The following RALGPS1 variants were observed in gnomAD, a reference collection of about 807,000 sequenced individuals.
RALGPS1 encodes the protein Ral GEF with PH domain and SH3 binding motif 1, also known as ras-specific guanine nucleotide-releasing factor RalGPS1.
In RALGPS1, 19 loss-of-function variants were observed where a neutral mutation model predicts 78.8. That is an observed-to-expected ratio of 0.24 (90% CI 0.17 to 0.35). The LOEUF (loss-of-function observed/expected upper bound fraction) is 0.35. Ranked by LOEUF, RALGPS1 falls within the 10% of genes least tolerant of loss-of-function variation. RALGPS1 has a pLI of 1.00. For missense variants in RALGPS1, 454 were observed against 688.3 expected, an observed-to-expected ratio of 0.66 and a Z score of 3.81; for synonymous variants, 228 against 256.3, an observed-to-expected ratio of 0.89 and a Z score of 1.06.
At chr9:127,162,474 G>T (rs2417049) in intron 8 of RALGPS1, among the ~76,000 whole-genome samples, 56,548 of 152,136 alleles carry the variant, frequency 0.37, 12,446 homozygotes, top group Non-Finnish European at 0.48. Flanking sequence ...TAGGAGACTT[G>T]CTGCTTGTGC....
intron 4 of RALGPS1, among the ~76,000 whole-genome samples, chr9:126,996,901 C>T (rs2042820058): frequency 1.3e-5 from 2 of 152,186 alleles, no homozygotes; most frequent in South Asian, 4.1e-4. Context: ...TAAATGTAAT[C>T]CAGCATATAA....
At position 127,166,001 on chromosome 9, in the gene RALGPS1, A is replaced by G. The variant is rs2059272414; in HGVS notation, c.611-68A>G. 3 of 1,531,882 alleles carry G rather than the reference A, an allele frequency of 2.0e-6. No homozygotes were observed. In the East Asian group the frequency reaches 6.8e-5, roughly 35 times the overall value. The allele number at this position is 1,531,882 out of a possible 1,614,324, so 94.9% of individuals were successfully genotyped here. A position where few individuals can be genotyped will look rare whatever the true frequency, so the allele number is the denominator to read the frequency against. ...TTATATTTTTTAGCAGATCAGTACT[A>G]TTTTGTGCTATTTTGTTCTGGTTTG... On this transcript the variant is annotated intron_variant, in intron 8 of 18. Coordinates refer to ENST00000259351, the MANE Select transcript of RALGPS1 (RefSeq NM_014636.3).
chr9:126,955,372 A>G (rs1217994300), intron 1 of RALGPS1, among the ~76,000 whole-genome samples: 3 of 152,158 alleles, frequency 2.0e-5, no homozygotes, highest in African/African-American at 7.2e-5. Context: ...TCTCTCATTT[A>G]TTAATATAGA....
chr9:126,963,998 T>G (rs2039188205), intron 2 of RALGPS1, among the ~76,000 whole-genome samples: 1 of 152,194 alleles, frequency 6.6e-6, no homozygotes. Context: ...TTATAACTTT[T>G]CAAAAGTTCA....
At chr9:127,005,754 T>A (rs2043778711) in intron 4 of RALGPS1, among the ~76,000 whole-genome samples, 1 of 152,216 alleles carries the variant, frequency 6.6e-6, no homozygotes, top group Non-Finnish European at 1.5e-5. Context: ...ATGACTTGGC[T>A]TACTTAACCA....
At chr9:126,974,598 C>G (rs1198602112) in intron 3 of RALGPS1, among the ~76,000 whole-genome samples, 1 of 152,022 alleles carries the variant, frequency 6.6e-6, no homozygotes, top group Non-Finnish European at 1.5e-5. Flanking sequence ...TTAGAGGGCC[C>G]TGGACTAGGA....
chr9:127,119,950 G>A (rs2137642981), intron 8 of RALGPS1, among the ~76,000 whole-genome samples: 1 of 152,354 alleles, frequency 6.6e-6, no homozygotes, highest in South Asian at 2.1e-4. Flanking sequence ...TGCTAGAGAA[G>A]CAAATACTTG....
At chr9:127,078,834 C>T (rs2050915574) in intron 8 of RALGPS1, among the ~76,000 whole-genome samples, 1 of 152,122 alleles carries the variant, frequency 6.6e-6, no homozygotes. Context: ...TTTTGGATTT[C>T]GAATTAGAAA....
chr9:127,123,150 G>T (rs1264299494), intron 8 of RALGPS1, among the ~76,000 whole-genome samples: 2 of 152,238 alleles, frequency 1.3e-5, no homozygotes, highest in African/African-American at 2.4e-5. Flanking sequence ...CCCATCAGCC[G>T]CCCTTCGTGG....
chr9:127,198,351 C>G (rs1294629392), intron 13 of RALGPS1, among the ~76,000 whole-genome samples: 4 of 152,172 alleles, frequency 2.6e-5, no homozygotes, highest in Non-Finnish European at 5.9e-5. Flanking sequence ...CCTCTGAGGT[C>G]TGAGAGACAG....
At chr9:126,956,977 T>C (rs963449978) in intron 1 of RALGPS1, among the ~76,000 whole-genome samples, 5 of 152,204 alleles carry the variant, frequency 3.3e-5, no homozygotes, top group Admixed American at 1.3e-4. Context: ...ATTGACTGAC[T>C]AGGGTTTGCA....
chr9:127,007,815 C>T (rs912633306), intron 4 of RALGPS1, among the ~76,000 whole-genome samples: 5 of 151,690 alleles, frequency 3.3e-5, no homozygotes, highest in Non-Finnish European at 7.4e-5. Flanking sequence ...GTGGATCGTC[C>T]GCTGATAGCA....
chr9:126,963,136 A>G (rs118162900), intron 2 of RALGPS1, among the ~76,000 whole-genome samples: 3,337 of 152,326 alleles, frequency 0.022, 62 homozygotes, highest in Middle Eastern at 0.041. Flanking sequence ...CCTCATCATC[A>G]TCACCAATGA....
Position 127,183,611 on chromosome 9 carries a change from C to T in RALGPS1, c.910+8829C>T, listed in dbSNP as rs1028634294. Among the ~76,000 whole-genome samples, 2 of 152,168 alleles carry T rather than the reference C, an allele frequency of 1.3e-5. No individual in the cohort carries two copies. The highest frequency in any genetic ancestry group is 2.9e-5 in the Non-Finnish European group (2 of 68,042). On this transcript the variant is annotated intron_variant, in intron 11 of 18. Coordinates refer to ENST00000259351, the MANE Select transcript of RALGPS1 (RefSeq NM_014636.3). The surrounding 1 kb of genome is among the most constrained non-coding windows in gnomAD (Gnocchi z 4.0). ...ACAGTAGCTCCCCTGGGTCTCCTGACTGCTAGAGACATAGTTCAACCTCCG... is the reference window on the plus strand; with the variant it reads ...ACAGTAGCTCCCCTGGGTCTCCTGATTGCTAGAGACATAGTTCAACCTCCG...
At chr9:127,191,707 T>TG (rs2061053645) in intron 11 of RALGPS1, among the ~76,000 whole-genome samples, 1 of 148,586 alleles carries the variant, frequency 6.7e-6, no homozygotes, top group Non-Finnish European at 1.5e-5. Flanking sequence ...TTTGTTTTTT[T>TG]TTTTTTTTGA....
chr9:127,191,378 T>A lies in RALGPS1; in HGVS notation c.911-3713T>A, dbSNP rs1182498762. Among the ~76,000 whole-genome samples the A allele has an allele frequency of 2.0e-5, 3 of 152,208 alleles. No homozygotes were observed. In the East Asian group the frequency reaches 5.8e-4, roughly 29 times the overall value. Reference sequence around the variant, plus strand: ...CATTTGTGACATTAATCCACTTGCTTAACATAAGGCAGGACTCTAATTTTG... The same window carrying A: ...CATTTGTGACATTAATCCACTTGCTAAACATAAGGCAGGACTCTAATTTTG... On this transcript the variant is annotated intron_variant, in intron 11 of 18. Transcript: ENST00000259351.
At chr9:126,967,876 G>A (rs1372916503) in intron 3 of RALGPS1, among the ~76,000 whole-genome samples, 1 of 152,008 alleles carries the variant, frequency 6.6e-6, no homozygotes, top group African/African-American at 2.4e-5. Flanking sequence ...CTCTTCCACT[G>A]GAATATAAAC....
At chr9:127,210,265 T>G (rs2062168123) in intron 14 of RALGPS1, among the ~76,000 whole-genome samples, 2 of 152,234 alleles carry the variant, frequency 1.3e-5, no homozygotes, top group African/African-American at 4.8e-5. Flanking sequence ...TGTGTCCTGG[T>G]GAATGACCCC....
rs76930936 is a variant in RALGPS1 at position 127,142,478 on chromosome 9, T to A, written c.611-23591T>A. Among the ~76,000 whole-genome samples the A allele has an allele frequency of 7.7e-3, 1,173 of 152,154 alleles. 24 individuals are homozygous for A. Among genetic ancestry groups the A allele is most frequent in the African/African-American group, 0.027 (1,100 of 41,488 alleles). On this transcript the variant is annotated intron_variant, in intron 8 of 18. Transcript: ENST00000259351. ...TGGAGGGGTGGGCATGATGGGCGCA[T>A]CTGGAGGGAAGCAGAAGTCAGGGTG... is the stretch of plus-strand genomic sequence containing the variant.
Sources: allele counts gnomAD v4.1 joint callset (sites outside exome capture counted in the v4.1 genomes callset), GRCh38; gene constraint gnomAD v4.1.1; non-coding constraint Gnocchi (gnomAD v3.1); transcripts MANE v1.5; gene names NCBI Gene and HGNC (gene_info 2026-07-23, HGNC 2026-07-21).